Variants in PHLDB2 observed in about 807,000 individuals in gnomAD.
PHLDB2 encodes pleckstrin homology like domain family B member 2, also known as pleckstrin homology-like domain family B member 2.
A neutral mutation model predicts 123.6 loss-of-function variants in PHLDB2; 71 were observed. That is an observed-to-expected ratio of 0.57 (90% CI 0.47 to 0.70). The LOEUF is 0.70. Ranked by LOEUF, PHLDB2 falls within the 30% of genes least tolerant of loss-of-function variation. PHLDB2 has a pLI of 0.00. For missense variants in PHLDB2, 1,446 were observed against 1,519.5 expected, an observed-to-expected ratio of 0.95 and a Z score of 0.80; for synonymous variants, 547 against 541.6, an observed-to-expected ratio of 1.01 and a Z score of -0.14.
chr3:111,872,929 C>G (rs2065417051), intron 1 of PHLDB2, among the ~76,000 whole-genome samples: 1 of 152,132 alleles, frequency 6.6e-6, no homozygotes, highest in Non-Finnish European at 1.5e-5. Flanking sequence ...ATATTTGTAC[C>G]TGATGGTAAA....
intron 12 of PHLDB2, among the ~76,000 whole-genome samples, chr3:111,958,539 A>G (rs2071195505): frequency 6.6e-6 from 1 of 152,124 alleles, no homozygotes; most frequent in Admixed American, 6.5e-5. Context: ...ATAATAATAA[A>G]TGGGCCTTGC....
At chr3:111,742,417 C>T (rs923476940) in intron 1 of PHLDB2, among the ~76,000 whole-genome samples, 1 of 152,056 alleles carries the variant, frequency 6.6e-6, no homozygotes, top group African/African-American at 2.4e-5. Context: ...CCCATTAACT[C>T]GTCATTTACA....
At chr3:111,761,713 G>T (rs77478508) in intron 1 of PHLDB2, among the ~76,000 whole-genome samples, 7,011 of 152,176 alleles carry the variant, frequency 0.046, 543 homozygotes, top group African/African-American at 0.16. Flanking sequence ...TGTGGGTGGG[G>T]CAAGAGAATT....
rs770799803 is a variant in PHLDB2, at chr3:111,884,411, C to T, written c.334C>T (p.Leu112Phe). Residue 112 changes from leucine (L) to phenylalanine (F), a missense_variant, in exon 2 of 18, where the codon CTC becomes TTC. Transcript: ENST00000431670. ...NIPMKPPTPL[L>F]NTTSSLSGYP... ...TCCTATGAAACCTCCAACTCCTTTA[C>T]TCAACACTACATCCTCCCTCAGTGG... The T allele has an allele frequency of 1.2e-6, 2 of 1,614,182 alleles. No individual in the cohort carries two copies. Among genetic ancestry groups the T allele is most frequent in the East Asian group, 2.2e-5 (1 of 44,880 alleles).
At chr3:111,800,373 T>G (rs2061333142) in intron 1 of PHLDB2, among the ~76,000 whole-genome samples, 2 of 152,204 alleles carry the variant, frequency 1.3e-5, no homozygotes, top group Non-Finnish European at 2.9e-5. Context: ...AAATTTTTAT[T>G]TTATACCCTC....
chr3:111,958,185 C>A, intron 12 of PHLDB2: 1 of 822,546 alleles, frequency 1.2e-6, no homozygotes. Flanking sequence ...CCTTTTTGAT[C>A]TTGTATCTTT....
chr3:111,884,364 A>T lies in PHLDB2; in HGVS notation c.287A>T (p.Tyr96Phe). 6.2e-7 allele frequency: 1 copy of T among 1,614,176 alleles called. No homozygotes were observed. The highest frequency in any genetic ancestry group is 1.3e-5 in the African/African-American group (1 of 75,044). ...AKIQGSKQFSYDGTDKNIPMK... is the reference protein window; with the variant it reads ...AKIQGSKQFSFDGTDKNIPMK... ...ATCCAGGGAAGCAAGCAGTTCTCTT[A>T]TGATGGAACTGACAAAAATATTCCT... The change falls in exon 2 of 18, where the codon TAT (tyrosine) becomes TTT (phenylalanine). Residue 96 changes from tyrosine (Y) to phenylalanine (F), a missense_variant. This residue lies in a region of PHLDB2 where 832 missense variants were observed against 831.9 expected (regional missense o/e 1.00). Coordinates refer to ENST00000431670, the MANE Select transcript of PHLDB2 (RefSeq NM_001134438.2).
At chr3:111,800,784 T>C (rs12496894) in intron 1 of PHLDB2, among the ~76,000 whole-genome samples, 8,437 of 152,248 alleles carry the variant, frequency 0.055, 343 homozygotes, top group Admixed American at 0.1. Flanking sequence ...CTTCATAAAA[T>C]CCAGTTTTAT....
At chr3:111,772,383 TG>T (rs2060193706) in intron 1 of PHLDB2, among the ~76,000 whole-genome samples, 2 of 152,216 alleles carry the variant, frequency 1.3e-5, no homozygotes, top group South Asian at 4.2e-4. Context: ...AAAGTGGGGT[TG>T]GGGAGAAGGG....
rs546689914 is a variant in PHLDB2 at position 111,795,164 on chromosome 3, TTCC to T, written c.-48-50654_-48-50652del. 7.1e-3 allele frequency among the ~76,000 whole-genome samples: 1,081 copies of T among 152,240 alleles called. 9 individuals are homozygous for T. Among genetic ancestry groups the T allele is most frequent in the African/African-American group, 0.024 (983 of 41,536 alleles). On this transcript the variant is annotated intron_variant, in intron 1 of 17. Transcript: ENST00000393923. ...TTAAAAGGTATGTAAATGAAAGAAG[TTCC>T]TCAACCCTCAGAGTTGCACTTCTTT...
At chr3:111,813,908 G>GT (rs2061956304) in intron 1 of PHLDB2, among the ~76,000 whole-genome samples, 1 of 152,200 alleles carries the variant, frequency 6.6e-6, no homozygotes, top group Non-Finnish European at 1.5e-5. Flanking sequence ...AAGATATGTG[G>GT]TTGCTGTGCT....
chr3:111,773,506 A>G (rs191597161), intron 1 of PHLDB2, among the ~76,000 whole-genome samples: 21 of 152,340 alleles, frequency 1.4e-4, no homozygotes, highest in Non-Finnish European at 2.1e-4. Flanking sequence ...TGATAGCTGT[A>G]GCAAAATATG....
intron 1 of PHLDB2, among the ~76,000 whole-genome samples, chr3:111,795,149 T>C (rs1179169487): frequency 1.3e-5 from 2 of 152,198 alleles, no homozygotes; most frequent in African/African-American, 4.8e-5. Flanking sequence ...TTAAAAGGTA[T>C]GTAAATGAAA....
rs1553747095 is a variant in PHLDB2 at position 111,898,182 on chromosome 3, T to TGTGTGTG, written c.1335+12770_1335+12771insGTGTGTG. Among the ~76,000 whole-genome samples, 598 of 142,634 alleles carry TGTGTGTG rather than the reference T, an allele frequency of 4.2e-3. 3 individuals carry two copies. Among genetic ancestry groups the TGTGTGTG allele is most frequent in the East Asian group, 0.015 (74 of 4,872 alleles). The allele number at this position is 142,634 out of a possible 152,430, so 93.6% of individuals were successfully genotyped here. On this transcript the variant is annotated intron_variant, in intron 2 of 17. Coordinates refer to ENST00000431670, the MANE Select transcript of PHLDB2 (RefSeq NM_001134438.2). ...TTTCTTTGTGTGTGTGTGTGTGTGT[T>TGTGTGTG]TGTGTGTGTGTGTGTGTGTGTGTGT...
At chr3:111,846,151 T>A (rs1025823808) in intron 2 of PHLDB2, 1 of 483,934 alleles carries the variant, frequency 2.1e-6, no homozygotes, top group Non-Finnish European at 3.8e-6. Context: ...TATGCTGAGG[T>A]TTTATTTAGT....
At chr3:111,738,070 T>G (rs1008230858) in intron 1 of PHLDB2, among the ~76,000 whole-genome samples, 1 of 152,184 alleles carries the variant, frequency 6.6e-6, no homozygotes. Context: ...CAAGGAGATG[T>G]ACTTTTAATT....
At chr3:111,834,291 A>T (rs1472084977) in intron 1 of PHLDB2, among the ~76,000 whole-genome samples, 1 of 135,970 alleles carries the variant, frequency 7.4e-6, no homozygotes, top group Non-Finnish European at 1.5e-5. Context: ...TAATTCTATT[A>T]TATACATAAT....
Position 111,932,328 on chromosome 3 carries a change from C to G in PHLDB2, c.2061C>G (p.Ser687=), listed in dbSNP as rs1055934686. 2.6e-6 allele frequency: 4 copies of G among 1,551,454 alleles called. No individual in the cohort carries two copies. The South Asian group carries it at 4.8e-5, about 18-fold the overall frequency. The part of the protein sequence containing the change: ...EKLERLQELY[S]EQKTQLDNCP... ...TAGAGAGGCTTCAGGAGCTTTACTC[C>G]GAGCAGAAGACCCAGCTGGACAATT... The change falls in exon 6 of 18, where the codon TCC becomes TCG. Residue 687 remains serine, a synonymous_variant. Transcript: ENST00000431670.
At chr3:111,835,928 C>T (rs939524513) in intron 1 of PHLDB2, among the ~76,000 whole-genome samples, 2 of 152,182 alleles carry the variant, frequency 1.3e-5, no homozygotes, top group African/African-American at 4.8e-5. Context: ...AGCATCACTT[C>T]CACTAGTATT....
Sources: allele counts gnomAD v4.1 joint callset (sites outside exome capture counted in the v4.1 genomes callset), GRCh38; gene constraint gnomAD v4.1.1; regional missense constraint gnomAD v4.1.1; transcripts MANE v1.5; gene names NCBI Gene and HGNC (gene_info 2026-07-23, HGNC 2026-07-21).